Variants in TRIO observed in about 807,000 individuals in gnomAD.
TRIO encodes triple functional domain protein.
A neutral mutation model predicts 351.9 loss-of-function variants in TRIO; 58 were observed. That is an observed-to-expected ratio of 0.16 (90% CI 0.13 to 0.21). The LOEUF (loss-of-function observed/expected upper bound fraction) is 0.21. Ranked by LOEUF, TRIO falls within the 10% of genes least tolerant of loss-of-function variation. The probability of loss-of-function intolerance (pLI) is 1.00; values close to 1 mark genes in which losing one functional copy is unlikely to be tolerated. For synonymous variants in TRIO, 1,758 were observed against 1,595.7 expected (o/e 1.10, Z -2.42); for missense variants, 3,201 against 4,027.8 (o/e 0.79, Z 5.56).
At chr5:14,456,034 G>C (rs1040046670) in intron 34 of TRIO, among the ~76,000 whole-genome samples, 3 of 152,266 alleles carry the variant, frequency 2.0e-5, no homozygotes, top group Non-Finnish European at 4.4e-5. Flanking sequence ...GAGGCCTGGC[G>C]AGAATTCAAG....
At chr5:14,358,962 T>G (rs934956535) in intron 12 of TRIO, among the ~76,000 whole-genome samples, 4 of 152,248 alleles carry the variant, frequency 2.6e-5, no homozygotes, top group Non-Finnish European at 5.9e-5. Flanking sequence ...CAGCAGTTAC[T>G]TAATAAAGGC....
chr5:14,358,084 C>T, intron 11 of TRIO, 94 bp from the exon 12 acceptor site: 2 of 1,447,648 alleles, frequency 1.4e-6, no homozygotes, highest in Non-Finnish European at 1.9e-6. Context: ...GGGCAAGTCA[C>T]ACACCGTCTC....
chr5:14,342,854 C>T (rs1031659082), intron 11 of TRIO, among the ~76,000 whole-genome samples: 3 of 152,138 alleles, frequency 2.0e-5, no homozygotes, highest in African/African-American at 4.8e-5. Context: ...CTAATACTAT[C>T]GCAAAGATGA....
In TRIO at chr5:14,297,676, G is replaced by C. The variant is rs866748830; in HGVS notation, c.1368+413G>C. On this transcript the variant is annotated intron_variant, in intron 7 of 56. Transcript: ENST00000344204. ...TTACTCCAATTGGGATGGTTTGGTA[G>C]CAAGGAACGGAACGCCCATCCGTGG... Among the ~76,000 whole-genome samples the C allele has an allele frequency of 3.9e-5, 6 of 152,298 alleles. No homozygotes were observed. The South Asian group carries it at 1.0e-3, about 26-fold the overall frequency.
At chr5:14,304,360 A>C in intron 7 of TRIO, 101 bp from the exon 8 acceptor site, 2 of 1,218,314 alleles carry the variant, frequency 1.6e-6, no homozygotes, top group South Asian at 1.5e-5. Flanking sequence ...AATTCTTAGG[A>C]TCTCCCTCAA....
chr5:14,155,913 A>G (rs1479374307), intron 1 of TRIO, among the ~76,000 whole-genome samples: 1 of 152,216 alleles, frequency 6.6e-6, no homozygotes, highest in Non-Finnish European at 1.5e-5. Context: ...TCTTCACCTG[A>G]ATCAGTTATT....
intron 1 of TRIO, among the ~76,000 whole-genome samples, chr5:14,231,925 A>G (rs554997218): frequency 1.3e-5 from 2 of 151,580 alleles, no homozygotes; most frequent in East Asian, 3.9e-4. Flanking sequence ...TTGGGAATCT[A>G]TATGTAGAAG....
intron 9 of TRIO, among the ~76,000 whole-genome samples, chr5:14,322,077 A>G (rs1739940254): frequency 6.6e-6 from 1 of 152,122 alleles, no homozygotes; most frequent in South Asian, 2.1e-4. Flanking sequence ...TGGGTGAGTA[A>G]GTCTTGGAGA....
intron 1 of TRIO, among the ~76,000 whole-genome samples, chr5:14,261,585 C>T (rs1017250603): frequency 6.6e-6 from 1 of 152,182 alleles, no homozygotes; most frequent in African/African-American, 2.4e-5. Context: ...GAAAACATTT[C>T]AGTGTCACGT....
Position 14,192,298 on chromosome 5 carries a change from C to T in TRIO, c.157+48416C>T, listed in dbSNP as rs547489037. On this transcript the variant is annotated intron_variant, in intron 1 of 56. Coordinates refer to ENST00000344204, the MANE Select transcript of TRIO (RefSeq NM_007118.4). ...CCCCAAGAACAGAGTCTTGCTCTGT[C>T]GCCCAGGGTGGGATGCAGAGGTGTA... Among the ~76,000 whole-genome samples, 9 of 151,128 alleles carry T rather than the reference C, an allele frequency of 6.0e-5. No individual in the cohort carries two copies. In the East Asian group the frequency reaches 7.7e-4, roughly 13 times the overall value.
At chr5:14,478,504 T>A (rs1012209950) in intron 41 of TRIO, among the ~76,000 whole-genome samples, 4 of 152,176 alleles carry the variant, frequency 2.6e-5, no homozygotes, top group Non-Finnish European at 5.9e-5. Context: ...ACTTTGAGGA[T>A]CACTGATTTA....
chr5:14,422,436 A>G (rs1750246722), intron 34 of TRIO, among the ~76,000 whole-genome samples: 1 of 152,212 alleles, frequency 6.6e-6, no homozygotes, highest in Non-Finnish European at 1.5e-5. Context: ...CCCTGATCCA[A>G]CTTTCACATT....
intron 2 of TRIO, among the ~76,000 whole-genome samples, chr5:14,272,881 A>G (rs1356982392): frequency 6.6e-6 from 1 of 152,200 alleles, no homozygotes; most frequent in Non-Finnish European, 1.5e-5. Flanking sequence ...ATTTTTTGAA[A>G]ATTACAAAGA....
intron 1 of TRIO, among the ~76,000 whole-genome samples, chr5:14,240,876 A>T (rs1330935474): frequency 6.6e-6 from 1 of 152,180 alleles, no homozygotes; most frequent in Admixed American, 6.5e-5. Context: ...ATTCATTAAA[A>T]CTGTTGGCAA....
At chr5:14,396,490 G>A in intron 28 of TRIO, among the ~76,000 whole-genome samples, 1 of 43,882 alleles carries the variant, frequency 2.3e-5, no homozygotes. Context: ...TTTTTTTTGA[G>A]ACAGGGTCTT....
chr5:14,286,746 T>G lies in TRIO; in HGVS notation c.348-125T>G. 1 of 961,248 alleles carries G rather than the reference T, an allele frequency of 1.0e-6. No individual in the cohort carries two copies. Among genetic ancestry groups the G allele is most frequent in the South Asian group, 1.7e-5 (1 of 59,894 alleles). The allele number at this position is 961,248 out of a possible 1,614,324, so 59.5% of individuals were successfully genotyped here. On this transcript the variant is annotated intron_variant, in intron 3 of 56. Transcript: ENST00000344204. The surrounding 1 kb of genome is among the most constrained non-coding windows in gnomAD (Gnocchi z 4.4). Reference sequence around the variant, plus strand: ...GAAGGAGCTGAGCACAGTGTGCTCCTTCCCCTGCCTCCGCACGTGTCCAGC... The same window carrying G: ...GAAGGAGCTGAGCACAGTGTGCTCCGTCCCCTGCCTCCGCACGTGTCCAGC...
intron 19 of TRIO, among the ~76,000 whole-genome samples, chr5:14,375,746 G>A (rs923117965): frequency 1.8e-4 from 27 of 152,162 alleles, no homozygotes; most frequent in Non-Finnish European, 5.9e-5. Context: ...TCACTTGCCC[G>A]AAATTAGTAC....
At chr5:14,180,189 A>G (rs1368968628) in intron 1 of TRIO, among the ~76,000 whole-genome samples, 1 of 151,540 alleles carries the variant, frequency 6.6e-6, no homozygotes, top group East Asian at 1.9e-4. Context: ...TTTCTGGCAC[A>G]ACCTCTTAAA....
intron 33 of TRIO, among the ~76,000 whole-genome samples, chr5:14,417,132 C>T (rs1177157350): frequency 6.6e-6 from 1 of 152,236 alleles, no homozygotes; most frequent in East Asian, 1.9e-4. Flanking sequence ...GAGTTCTTTT[C>T]CAGGCTGGGC....
Sources: allele counts gnomAD v4.1 joint callset (sites outside exome capture counted in the v4.1 genomes callset), GRCh38; gene constraint gnomAD v4.1.1; non-coding constraint Gnocchi (gnomAD v3.1); transcripts MANE v1.5; gene names NCBI Gene and HGNC (gene_info 2026-07-23, HGNC 2026-07-21).